Variants in DMD observed in about 807,000 individuals in gnomAD.
The protein encoded by DMD is mutant dystrophin.
DMD carries 63 observed loss-of-function variants against 330.1 expected under a neutral mutation model. The ratio of observed to expected loss-of-function variants is 0.19; its 90% CI spans 0.16 to 0.24. The LOEUF is 0.24. Among genes scored for constraint, DMD ranks in the 10% least tolerant of loss-of-function variants. The pLI is 1.00. For missense variants in DMD, 3,344 were observed against 2,684.1 expected (o/e 1.25, Z -5.43); for synonymous variants, 1,223 against 959.8 (o/e 1.27, Z -5.07).
chrX:31,396,137 AT>A (rs773913224), intron 60 of DMD, among the ~76,000 whole-genome samples: 124 of 89,983 alleles, frequency 1.4e-3, no homozygotes, highest in Middle Eastern at 5.8e-3. Context: ...AAAGATGACA[AT>A]TTTTTTTTTT....
At chrX:31,794,582 T>A (rs5972446) in intron 50 of DMD, among the ~76,000 whole-genome samples, 1 of 112,148 alleles carries the variant, frequency 8.9e-6, no homozygotes, top group African/African-American at 3.2e-5. Flanking sequence ...TCTTGTTTTT[T>A]AAAATTAAAC....
rs569964041 is a variant in DMD at position 32,509,325 on chromosome X, T to C, written c.2293-7483A>G. Among the ~76,000 whole-genome samples the C allele has an allele frequency of 4.5e-5, 5 of 110,745 alleles. No homozygotes were observed. In the South Asian group the frequency reaches 1.9e-3, roughly 43 times the overall value. ...GTTTTCAGGTAGGTTGGATCAGTAG[T>C]TCCTAAAATTTCTACCGTCTCCCAT... is the stretch of plus-strand genomic sequence containing the variant. On this transcript the variant is annotated intron_variant, in intron 18 of 78. Coordinates refer to ENST00000357033, the MANE Select transcript of DMD (RefSeq NM_004006.3).
intron 2 of DMD, among the ~76,000 whole-genome samples, chrX:32,948,711 G>T (rs1252612999): frequency 9.0e-6 from 1 of 111,532 alleles, no homozygotes; most frequent in African/African-American, 3.3e-5. Context: ...AGAAGCTAAG[G>T]TTTTCATAAT....
At chrX:31,408,545 C>T (rs769797965) in intron 60 of DMD, among the ~76,000 whole-genome samples, 3 of 110,313 alleles carry the variant, frequency 2.7e-5, no homozygotes, top group Non-Finnish European at 3.8e-5. Context: ...ATTACAGGTA[C>T]GCACCATCAT....
At chrX:32,853,712 C>G (rs1271489569) in intron 2 of DMD, among the ~76,000 whole-genome samples, 3 of 90,822 alleles carry the variant, frequency 3.3e-5, no homozygotes, top group Non-Finnish European at 6.3e-5. Context: ...GGAATAAGTT[C>G]TTAATAATAA....
intron 9 of DMD, among the ~76,000 whole-genome samples, chrX:32,656,549 G>C (rs779836561): frequency 8.0e-5 from 9 of 112,040 alleles, no homozygotes; most frequent in Middle Eastern, 4.2e-3. Flanking sequence ...CTATAAAAAT[G>C]TATCTGTAAA....
chrX:33,309,279 G>A (rs895243489), intron 1 of DMD, among the ~76,000 whole-genome samples: 3 of 111,155 alleles, frequency 2.7e-5, no homozygotes, highest in Non-Finnish European at 3.8e-5. Context: ...GCTCTAGCGC[G>A]CTATGTTATT....
chrX:32,576,794 A>G (rs191435198), intron 13 of DMD, among the ~76,000 whole-genome samples: 31 of 110,469 alleles, frequency 2.8e-4, no homozygotes, highest in African/African-American at 9.5e-4. Context: ...TAGGCAACCT[A>G]TTTAACATAA....
chrX:32,175,316 C>T (rs2096902382), intron 44 of DMD, among the ~76,000 whole-genome samples: 1 of 109,994 alleles, frequency 9.1e-6, no homozygotes. Context: ...CTGTAAAATG[C>T]ACCAATCAGT....
intron 1 of DMD, chrX:33,128,358 C>T (rs1190413879): frequency 2.9e-6 from 3 of 1,026,944 alleles, no homozygotes; most frequent in African/African-American, 1.9e-5. Context: ...AATCTTTTTG[C>T]ACCTGTTTCT....
intron 62 of DMD, among the ~76,000 whole-genome samples, chrX:31,276,125 C>T (rs781092440): frequency 1.8e-5 from 2 of 112,057 alleles, no homozygotes; most frequent in Non-Finnish European, 3.8e-5. Context: ...GGCACGATCT[C>T]GGCTCACTGC....
chrX:33,169,652 C>T (rs1288933749), intron 1 of DMD, among the ~76,000 whole-genome samples: 2 of 111,522 alleles, frequency 1.8e-5, no homozygotes, highest in African/African-American at 6.5e-5. Flanking sequence ...GGTGCTAACA[C>T]GCAGCAAAAA....
At chrX:32,671,204 G>A (rs1228648903) in intron 9 of DMD, among the ~76,000 whole-genome samples, 1 of 109,556 alleles carries the variant, frequency 9.1e-6, no homozygotes, top group African/African-American at 3.3e-5. Flanking sequence ...TTTGGCCTAG[G>A]TACTTATATA....
chrX:32,472,099 G>A (rs1225728196), intron 22 of DMD, 65 bp downstream of exon 22: 1 of 1,138,909 alleles, frequency 8.8e-7, no homozygotes, highest in African/African-American at 1.8e-5. Context: ...ATTATTTAAA[G>A]GTTATATCAA....
intron 2 of DMD, among the ~76,000 whole-genome samples, chrX:32,874,056 T>C (rs2083199219): frequency 8.9e-6 from 1 of 112,137 alleles, no homozygotes; most frequent in Non-Finnish European, 1.9e-5. Flanking sequence ...CTGGTGCTCC[T>C]AGATTGCAGA....
At chrX:31,149,231 C>T (rs1238407732) in intron 74 of DMD, among the ~76,000 whole-genome samples, 1 of 111,975 alleles carries the variant, frequency 8.9e-6, no homozygotes, top group Non-Finnish European at 1.9e-5. Flanking sequence ...ATCTATTTCC[C>T]ACTGATCTCT....
intron 2 of DMD, among the ~76,000 whole-genome samples, chrX:32,944,760 A>G (rs1048306400): frequency 2.7e-5 from 3 of 109,850 alleles, no homozygotes. Context: ...GCCTGCCATC[A>G]TGCCCGGCTA....
intron 1 of DMD, among the ~76,000 whole-genome samples, chrX:33,246,875 G>A (rs1205635028): frequency 1.8e-5 from 2 of 109,650 alleles, no homozygotes; most frequent in Non-Finnish European, 1.9e-5. Flanking sequence ...TAGTAGAGAC[G>A]GGGCTTCACC....
chrX:31,415,981 T>A (rs192569775), intron 60 of DMD, among the ~76,000 whole-genome samples: 5 of 111,887 alleles, frequency 4.5e-5, no homozygotes, highest in African/African-American at 1.3e-4. Flanking sequence ...GGTTACCACA[T>A]CTCAAAGAAA....
Sources: gnomAD v4.1 joint callset for allele counts (sites outside exome capture counted in the v4.1 genomes callset) on GRCh38, gnomAD v4.1.1 for gene constraint, MANE v1.5 for transcripts, NCBI Gene and HGNC (gene_info 2026-07-23, HGNC 2026-07-21) for gene names.